TAF1D: variants seen among roughly 807,000 people sequenced by gnomAD.
TAF1D encodes TATA box-binding protein-associated factor RNA polymerase I subunit D.
Under a neutral mutation model 26.2 loss-of-function variants are expected in TAF1D, and 23 were observed. That is an observed-to-expected ratio of 0.88 (90% confidence interval 0.63 to 1.25). The LOEUF (loss-of-function observed/expected upper bound fraction) is 1.25, where lower values mean the gene tolerates loss of function less well. Ranked by LOEUF, TAF1D falls within the 50% of genes most tolerant of loss-of-function variation. The pLI is 0.00. For missense variants in TAF1D, 299 were observed against 322.0 expected (o/e 0.93, Z 0.55); for synonymous variants, 100 against 105.6 (o/e 0.95, Z 0.33).
chr11:93,730,593 C>A (rs973942136), downstream of TAF1D: 14 of 592,542 alleles, frequency 2.4e-5, 1 homozygote, highest in Admixed American at 1.9e-4. Context: ...TCTTTGGTCA[C>A]AGCGTTAAGA....
rs1940664111 is a variant in TAF1D at position 93,735,859 on chromosome 11, AT to A, written c.*301del. 9.0e-7 allele frequency: 1 copy of A among 1,115,104 alleles called. No homozygotes were observed. Among genetic ancestry groups the A allele is most frequent in the African/African-American group, 1.7e-5 (1 of 59,988 alleles). The allele number at this position is 1,115,104 out of a possible 1,614,324, so 69.1% of individuals were successfully genotyped here. ...TTCTTTTCAAAATTAAAATCACTAC[AT>A]TTCATTGTTTCAATACTCACAGGAC... On this transcript the variant is annotated 3_prime_UTR_variant, in exon 6 of 6. Coordinates refer to ENST00000448108, the MANE Select transcript of TAF1D (RefSeq NM_024116.4).
chr11:93,740,473 G>A (rs1313591796), intron 1 of TAF1D, among the ~76,000 whole-genome samples: 2 of 115,914 alleles, frequency 1.7e-5, no homozygotes, highest in African/African-American at 6.2e-5. Flanking sequence ...AAAAGGCATG[G>A]CAACAAAAAT....
chr11:93,730,569 A>G, downstream of TAF1D: 1 of 620,146 alleles, frequency 1.6e-6, no homozygotes, highest in Non-Finnish European at 3.1e-6. Context: ...ATGGCTTCCT[A>G]TAGAGAACTT....
At chr11:93,738,816 G>C (rs1406404847) in intron 2 of TAF1D, among the ~76,000 whole-genome samples, 3 of 152,246 alleles carry the variant, frequency 2.0e-5, no homozygotes, top group Admixed American at 6.5e-5. Flanking sequence ...TCCTGCCTCA[G>C]CCTCCCAAGT....
At chr11:93,734,767 G>A (rs1354517292), downstream of TAF1D, 3 of 1,268,016 alleles carry the variant, frequency 2.4e-6, no homozygotes, top group Non-Finnish European at 3.1e-6. Context: ...CTATTCTACA[G>A]GCCTGGAATC....
At chr11:93,736,443 T>G (rs1940776417) in intron 5 of TAF1D, 139 bp from the exon 6 acceptor site, 24 of 1,423,370 alleles carry the variant, frequency 1.7e-5, no homozygotes, top group Non-Finnish European at 2.0e-5. Flanking sequence ...TAACATTGCT[T>G]ATTTTTTCAT....
chr11:93,736,166 T>C lies in TAF1D; in HGVS notation c.832A>G (p.Met278Val), dbSNP rs1463010127. ...CTTTGACATTCATGATCCTGTCACA[T>C]TTTCAGGCCTCTCTGTCCAGTATTT... is the stretch of plus-strand genomic sequence containing the variant. ...AKNTGQRGLK[M>V] The change falls in exon 6 of 6, where the codon ATG becomes GTG. Residue 278 changes from methionine (M) to valine (V), a missense_variant. Met to Val is a conservative substitution (Grantham distance 21, BLOSUM62 1). Transcript: ENST00000448108. 1 of 1,603,850 alleles carries C rather than the reference T, an allele frequency of 6.2e-7. No homozygotes were observed.
In TAF1D at chr11:93,738,128, C is replaced by T. The variant is rs1188329059; in HGVS notation, c.440G>A (p.Arg147Lys). The change falls in exon 3 of 6, where the codon AGA becomes AAA. Residue 147 changes from arginine to lysine, a missense_variant. By Grantham distance (26) the Arg-to-Lys change is conservative (BLOSUM62 2). Coordinates refer to ENST00000448108, the MANE Select transcript of TAF1D (RefSeq NM_024116.4). ...ACTCACCTCAAACGTTAAAATTTTTCTCCAAGGTGCGTTTTTTTCATTCTC... is the reference window on the plus strand; with the variant it reads ...ACTCACCTCAAACGTTAAAATTTTTTTCCAAGGTGCGTTTTTTTCATTCTC... ...ESENEKNAPW[R>K]KILTFEQAVA... is the part of the protein sequence containing the mutation. 8.3e-6 allele frequency: 13 copies of T among 1,559,740 alleles called. No homozygotes were observed. In the African/African-American group the frequency reaches 1.8e-4, roughly 22 times the overall value.
At chr11:93,740,129 T>G (rs932785811) in intron 1 of TAF1D, among the ~76,000 whole-genome samples, 2 of 151,708 alleles carry the variant, frequency 1.3e-5, no homozygotes, top group Non-Finnish European at 2.9e-5. Context: ...GGCAACGTGG[T>G]GAAACTCCGT....
In TAF1D at chr11:93,738,040, A is replaced by T. The variant is rs1388634531; in HGVS notation, c.459+69T>A. 2.7e-6 allele frequency: 4 copies of T among 1,492,708 alleles called. No individual in the cohort carries two copies. In the Admixed American group the frequency reaches 9.9e-5, roughly 37 times the overall value. 92.5% of individuals were successfully genotyped at this position (1,492,708 alleles called of 1,614,324 possible). ...TTCCCAGTATATCTGAGACAATTCT[A>T]AATTGGCCAACAAATCATTTTGGGC... On this transcript the variant is annotated intron_variant, in intron 3 of 5. Transcript: ENST00000448108.
rs1340765062 is a variant in TAF1D at position 93,737,242 on chromosome 11, A to G, written c.460-3T>C. 6 of 1,593,174 alleles carry G rather than the reference A, an allele frequency of 3.8e-6. No homozygotes were observed. Among genetic ancestry groups the G allele is most frequent in the Non-Finnish European group, 5.1e-6 (6 of 1,171,014 alleles). On this transcript the variant is annotated splice_region_variant and splice_polypyrimidine_tract_variant and intron_variant, in intron 3 of 5. Coordinates refer to ENST00000448108, the MANE Select transcript of TAF1D (RefSeq NM_024116.4). ...AAAAATCCTCTTGCAACAGCTTGCTATATATTAAAAACACCATAAGTATGT... is the reference window on the plus strand; with the variant it reads ...AAAAATCCTCTTGCAACAGCTTGCTGTATATTAAAAACACCATAAGTATGT...
downstream of TAF1D, chr11:93,734,717 A>G: frequency 1.6e-6 from 2 of 1,286,732 alleles, no homozygotes; most frequent in Non-Finnish European, 2.0e-6. Context: ...ATGCAAAATT[A>G]ATACTGCTGA....
In TAF1D at chr11:93,738,382, A is replaced by C; in HGVS notation, c.186T>G (p.Ser62Arg). 1 of 1,613,994 alleles carries C rather than the reference A, an allele frequency of 6.2e-7. No homozygotes were observed. Among genetic ancestry groups the C allele is most frequent in the East Asian group, 2.2e-5 (1 of 44,860 alleles). The stretch of plus-strand genomic sequence containing the variant: ...CAAAAGATGAGTCACTTGATGAATC[A>C]CTTGCGTGAACACTTTCAGGTGTAC... ...FVRTPESVHA[S>R]DSSSDSSFEP... The change falls in exon 3 of 6, where the codon AGT becomes AGG. Residue 62 changes from serine to arginine, a missense_variant. Transcript: ENST00000448108.
chr11:93,733,371 G>C (rs188046592), downstream of TAF1D: 1 of 518,908 alleles, frequency 1.9e-6, no homozygotes, highest in South Asian at 1.4e-5. Flanking sequence ...CTCAAGAATG[G>C]TACAGATGTG....
chr11:93,738,897 T>C lies in TAF1D; in HGVS notation c.68+340A>G, dbSNP rs1460394881. The C allele has an allele frequency of 1.2e-5, 4 of 329,674 alleles. No individual in the cohort carries two copies. The East Asian group carries it at 2.5e-4, about 20-fold the overall frequency. The allele number at this position is 329,674 out of a possible 1,614,324, so 20.4% of individuals were successfully genotyped here. ...AAAAACTGTATCTTTCAAGACAATG[T>C]ATGAGCTCCAAAAGGCTGTATGGTT... On this transcript the variant is annotated intron_variant, in intron 2 of 5. Transcript: ENST00000448108.
downstream of TAF1D, chr11:93,734,574 T>G (rs1292432057): frequency 2.0e-5 from 10 of 489,918 alleles, no homozygotes; most frequent in Middle Eastern, 3.2e-4. Context: ...GACAACATAC[T>G]GTTTCCTACA....
In TAF1D at chr11:93,739,258, G is replaced by T; in HGVS notation, c.47C>A (p.Ala16Asp). Residue 16 changes from alanine (A) to aspartate (D), a missense_variant, in exon 2 of 6, where the codon GCT becomes GAT. Coordinates refer to ENST00000448108, the MANE Select transcript of TAF1D (RefSeq NM_024116.4). ...IDSLDHVTSDAVELANRSDNS... is the reference protein window; with the variant it reads ...IDSLDHVTSDDVELANRSDNS... ...TCACCTTCGATTTGCAAGTTCCACA[G>T]CATCAGATGTCACATGGTCAAGAGA... 1 of 1,612,794 alleles carries T rather than the reference G, an allele frequency of 6.2e-7. No homozygotes were observed. Among genetic ancestry groups the T allele is most frequent in the Non-Finnish European group, 8.5e-7 (1 of 1,179,638 alleles).
chr11:93,738,447 G>A lies in TAF1D; in HGVS notation c.121C>T (p.Pro41Ser). The A allele has an allele frequency of 6.2e-7, 1 of 1,607,574 alleles. No individual in the cohort carries two copies. Among genetic ancestry groups the A allele is most frequent in the Non-Finnish European group, 8.5e-7 (1 of 1,178,302 alleles). ...ATGGGGTTTCTTTTCTCCCCTTTAG[G>A]TGAGTAAGGGATACACTGAGTTTTA... The part of the protein sequence containing the change: ...LFKTQCIPYS[P>S]KGEKRNPIRK... The change falls in exon 3 of 6, where the codon CCT (proline) becomes TCT (serine). Residue 41 changes from proline (P) to serine (S), a missense_variant. Physicochemically the swap from Pro to Ser is moderately conservative, Grantham distance 74. Transcript: ENST00000448108.
chr11:93,731,120 CTT>C, downstream of TAF1D: 1 of 498,022 alleles, frequency 2.0e-6, no homozygotes, highest in Non-Finnish European at 3.9e-6. Flanking sequence ...GAGCAAATAA[CTT>C]ATAGTTAAGA....
Sources: allele counts gnomAD v4.1 joint callset (sites outside exome capture counted in the v4.1 genomes callset), GRCh38; gene constraint gnomAD v4.1.1; transcripts MANE v1.5; gene names NCBI Gene and HGNC (gene_info 2026-07-23, HGNC 2026-07-21).